FRMD4A: variants seen among roughly 807,000 people sequenced by gnomAD.
The protein encoded by FRMD4A is FERM domain containing 4A, also known as FERM domain-containing protein 4A.
A neutral mutation model predicts 129.1 loss-of-function variants in FRMD4A; 29 were observed. The ratio of observed to expected loss-of-function variants is 0.22; its 90% CI spans 0.17 to 0.31. FRMD4A has a LOEUF of 0.31. FRMD4A is among the 10% of genes least tolerant of loss of function. The pLI, the probability that FRMD4A is intolerant of heterozygous loss-of-function variation, is 1.00. For synonymous variants in FRMD4A, 634 were observed against 571.6 expected, an observed-to-expected ratio of 1.11 and a Z score of -1.56; for missense variants, 1,272 against 1,375.8, an observed-to-expected ratio of 0.92 and a Z score of 1.19.
At position 13,939,977 on chromosome 10, in the gene FRMD4A, G is replaced by A. The variant is rs750194414; in HGVS notation, c.46-81065C>T. ...CCAATTATTTGGCCATGCAAACAGCGCAGCTCTTTGATTGAAATAAATGTG... is the reference window on the plus strand; with the variant it reads ...CCAATTATTTGGCCATGCAAACAGCACAGCTCTTTGATTGAAATAAATGTG... On this transcript the variant is annotated intron_variant, in intron 2 of 24. Transcript: ENST00000357447. 4.6e-5 allele frequency among the ~76,000 whole-genome samples: 7 copies of A among 152,236 alleles called. No individual in the cohort carries two copies. In the South Asian group the frequency reaches 6.2e-4, roughly 14 times the overall value.
intron 2 of FRMD4A, among the ~76,000 whole-genome samples, chr10:14,253,361 A>C (rs1844503308): frequency 6.6e-6 from 1 of 152,250 alleles, no homozygotes; most frequent in East Asian, 1.9e-4. Flanking sequence ...GCAGCTTAGC[A>C]AAGAATTCCC....
At chr10:14,208,673 C>T (rs1177581298) in intron 2 of FRMD4A, among the ~76,000 whole-genome samples, 17 of 152,110 alleles carry the variant, frequency 1.1e-4, no homozygotes, top group Non-Finnish European at 1.5e-5. Context: ...GCCATGATGA[C>T]CTCTGGCCTC....
chr10:13,715,356 A>T (rs2088676103), intron 12 of FRMD4A, among the ~76,000 whole-genome samples: 1 of 152,226 alleles, frequency 6.6e-6, no homozygotes, highest in African/African-American at 2.4e-5. Flanking sequence ...TTTGGAATTT[A>T]AAAATAAAGT....
intron 2 of FRMD4A, among the ~76,000 whole-genome samples, chr10:14,033,402 T>C (rs891430584): frequency 3.9e-5 from 6 of 152,122 alleles, no homozygotes; most frequent in Non-Finnish European, 7.4e-5. Flanking sequence ...GGGCTTCTAG[T>C]GTGACCATCA....
intron 2 of FRMD4A, among the ~76,000 whole-genome samples, chr10:14,195,648 C>G (rs907053311): frequency 5.9e-5 from 9 of 152,314 alleles, no homozygotes; most frequent in East Asian, 1.9e-4. Flanking sequence ...GGGAATCAAG[C>G]TGGGGCTAAT....
At chr10:13,994,174 A>G (rs575541965) in intron 2 of FRMD4A, among the ~76,000 whole-genome samples, 1 of 117,398 alleles carries the variant, frequency 8.5e-6, no homozygotes, top group South Asian at 3.5e-4. Flanking sequence ...ACGCCCAGCT[A>G]ATTTTTTTTT....
rs1564672198 is a variant in FRMD4A, at chr10:13,713,991, A to ATAATATATACATATATG, written c.760-6879_760-6878insCATATATGTATATATTA. Among the ~76,000 whole-genome samples, 60 of 96,502 alleles carry ATAATATATACATATATG rather than the reference A, an allele frequency of 6.2e-4. 7 individuals carry two copies. Among genetic ancestry groups the ATAATATATACATATATG allele is most frequent in the African/African-American group, 2.1e-3 (54 of 26,278 alleles). The allele number at this position is 96,502 out of a possible 152,430, so 63.3% of individuals were successfully genotyped here. A position where few individuals can be genotyped will look rare whatever the true frequency, so the allele number is the denominator to read the frequency against. On this transcript the variant is annotated intron_variant, in intron 12 of 24. Transcript: ENST00000357447. ...ATATACATATATGTAATATACATAT[A>ATAATATATACATATATG]TAATATACATATATAATATACATAT... is the stretch of plus-strand genomic sequence containing the variant.
chr10:13,864,350 AAAAAG>A lies in FRMD4A; in HGVS notation c.46-5443_46-5439del, dbSNP rs2094336413. Among the ~76,000 whole-genome samples the A allele has an allele frequency of 4.0e-5, 6 of 150,936 alleles. No homozygotes were observed. In the South Asian group the frequency reaches 6.3e-4, roughly 16 times the overall value. On this transcript the variant is annotated intron_variant, in intron 2 of 24. Transcript: ENST00000357447. ...AAACATCTTGAGTCAAAAAAAAAAA[AAAAAG>A]AAAAAAAGAAAAGAAAACCAAATAT...
chr10:14,091,084 G>C (rs1311891934), intron 2 of FRMD4A, among the ~76,000 whole-genome samples: 1 of 152,166 alleles, frequency 6.6e-6, no homozygotes, highest in African/African-American at 2.4e-5. Context: ...ATAACTGCAA[G>C]CCATGAACAG....
At chr10:14,254,686 T>C (rs1844550669) in intron 2 of FRMD4A, among the ~76,000 whole-genome samples, 1 of 151,784 alleles carries the variant, frequency 6.6e-6, no homozygotes, top group Non-Finnish European at 1.5e-5. Context: ...TCATCTATCA[T>C]AAAAATAACA....
chr10:13,779,838 T>C (rs1588679844), intron 6 of FRMD4A, among the ~76,000 whole-genome samples: 2 of 151,460 alleles, frequency 1.3e-5, no homozygotes, highest in South Asian at 4.1e-4. Context: ...AAGACTCAGT[T>C]AAACAATTCA....
At chr10:14,068,704 A>G (rs1010882028) in intron 2 of FRMD4A, among the ~76,000 whole-genome samples, 2 of 152,342 alleles carry the variant, frequency 1.3e-5, no homozygotes, top group African/African-American at 2.4e-5. Flanking sequence ...ATGTCATCAT[A>G]GAGTGCTGTG....
At chr10:14,291,617 TAAAC>T (rs1313884078) in intron 2 of FRMD4A, among the ~76,000 whole-genome samples, 1 of 152,008 alleles carries the variant, frequency 6.6e-6, no homozygotes, top group African/African-American at 2.4e-5. Flanking sequence ...ACGATAAAAA[TAAAC>T]AAATTAGAAA....
chr10:13,884,168 TCACACACTCACACACACACACACACA>T (rs2094584567), intron 2 of FRMD4A, among the ~76,000 whole-genome samples: 5 of 67,488 alleles, frequency 7.4e-5, no homozygotes, highest in Admixed American at 2.7e-4. Context: ...ACACACACAC[TCACACACTCACACACACACACACACA>T]CTCACACACA....
At chr10:14,246,752 G>A (rs1039728152) in intron 2 of FRMD4A, among the ~76,000 whole-genome samples, 1 of 152,136 alleles carries the variant, frequency 6.6e-6, no homozygotes, top group Non-Finnish European at 1.5e-5. Context: ...CCAAAAGCAA[G>A]AAAGGGAGGT....
At chr10:14,178,093 A>G (rs1841793814) in intron 2 of FRMD4A, among the ~76,000 whole-genome samples, 1 of 152,230 alleles carries the variant, frequency 6.6e-6, no homozygotes, top group Non-Finnish European at 1.5e-5. Context: ...TTACTGCTAT[A>G]CTGCAGAAGC....
At chr10:14,012,836 G>A (rs903185049) in intron 2 of FRMD4A, among the ~76,000 whole-genome samples, 1 of 152,164 alleles carries the variant, frequency 6.6e-6, no homozygotes, top group Non-Finnish European at 1.5e-5. Flanking sequence ...CTGTCCCCTG[G>A]AAGTCCACTC....
intron 2 of FRMD4A, among the ~76,000 whole-genome samples, chr10:14,029,668 G>T (rs1375442704): frequency 2.6e-5 from 4 of 152,128 alleles, no homozygotes; most frequent in African/African-American, 7.2e-5. Flanking sequence ...AGACACATTA[G>T]TTACCTATTT....
chr10:14,086,306 A>T (rs1374361531), intron 2 of FRMD4A, among the ~76,000 whole-genome samples: 2 of 152,236 alleles, frequency 1.3e-5, no homozygotes, highest in Non-Finnish European at 2.9e-5. Flanking sequence ...TAGACTGAAC[A>T]TGTAATTAAT....
Sources: gnomAD v4.1 joint callset for allele counts (sites outside exome capture counted in the v4.1 genomes callset) on GRCh38, gnomAD v4.1.1 for gene constraint, MANE v1.5 for transcripts, NCBI Gene and HGNC (gene_info 2026-07-23, HGNC 2026-07-21) for gene names.